NUSAP1: variants seen among roughly 807,000 people sequenced by gnomAD.
NUSAP1 encodes the protein nucleolar and spindle associated protein 1, also known as nucleolar and spindle-associated protein 1.
NUSAP1 carries 32 observed loss-of-function variants against 52.8 expected under a neutral mutation model. That is an observed-to-expected ratio of 0.61 (90% confidence interval 0.46 to 0.81). The LOEUF (loss-of-function observed/expected upper bound fraction) is 0.81, where lower values mean the gene tolerates loss of function less well. NUSAP1 is among the 40% of genes least tolerant of loss of function. NUSAP1 has a pLI of 0.00. For missense variants in NUSAP1, 499 were observed against 522.3 expected (o/e 0.96, Z 0.43); for synonymous variants, 195 against 183.1 (o/e 1.06, Z -0.52).
intron 1 of NUSAP1, among the ~76,000 whole-genome samples, chr15:41,337,789 C>G (rs188349343): frequency 4.6e-5 from 7 of 152,250 alleles, no homozygotes; most frequent in Non-Finnish European, 8.8e-5. Context: ...GCACTTCTTT[C>G]TAGTCTCCTT....
In NUSAP1 at chr15:41,378,944, G is replaced by GTTTTTT. The variant is rs1187469450; in HGVS notation, c.1233-1127_1233-1122dup. Among the ~76,000 whole-genome samples, 101 of 63,260 alleles carry GTTTTTT rather than the reference G, an allele frequency of 1.6e-3. 22 individuals carry two copies. The highest frequency in any genetic ancestry group is 6.0e-3 in the African/African-American group (86 of 14,274). 41.5% of individuals were successfully genotyped at this position (63,260 alleles called of 152,430 possible). A position where few individuals can be genotyped will look rare whatever the true frequency, so the allele number is the denominator to read the frequency against. Reference sequence around the variant, plus strand: ...CCCAAGATTATATTAACTTATCTTGGTTTTTTTTTTTTTTTTTTTTTTTTT... The same window carrying GTTTTTT: ...CCCAAGATTATATTAACTTATCTTGGTTTTTTTTTTTTTTTTTTTTTTTTTTTTTTT... On this transcript the variant is annotated intron_variant, in intron 10 of 10. Coordinates refer to ENST00000559596, the MANE Select transcript of NUSAP1 (RefSeq NM_016359.5).
intron 10 of NUSAP1, among the ~76,000 whole-genome samples, chr15:41,378,480 G>A (rs1182283474): frequency 1.3e-5 from 2 of 152,030 alleles, no homozygotes; most frequent in Non-Finnish European, 2.9e-5. Flanking sequence ...TGCCACCAGG[G>A]CCTTTGCTCA....
chr15:41,336,648 G>GTGTTTTTTTTTTT (rs1555426223), intron 1 of NUSAP1, among the ~76,000 whole-genome samples: 11 of 91,354 alleles, frequency 1.2e-4, no homozygotes, highest in African/African-American at 4.4e-4. Flanking sequence ...CCTCCTTTTG[G>GTGTTTTTTTTTTT]TTTTTTTTTT....
chr15:41,352,535 G>T (rs1442177722), intron 4 of NUSAP1, among the ~76,000 whole-genome samples: 1 of 151,148 alleles, frequency 6.6e-6, no homozygotes, highest in Non-Finnish European at 1.5e-5. Flanking sequence ...GATGGGCTTG[G>T]GAATCTTCAG....
At chr15:41,377,508 G>C (rs573334955) in intron 10 of NUSAP1, among the ~76,000 whole-genome samples, 13 of 151,154 alleles carry the variant, frequency 8.6e-5, no homozygotes, top group Middle Eastern at 6.8e-3. Flanking sequence ...AACCATCCTG[G>C]CTAACACGGT....
intron 1 of NUSAP1, among the ~76,000 whole-genome samples, chr15:41,333,851 G>A (rs1220933879): frequency 6.6e-6 from 1 of 152,156 alleles, no homozygotes; most frequent in East Asian, 1.9e-4. Context: ...AGCCGAGGTG[G>A]CAGTGAGCCA....
In NUSAP1 at chr15:41,365,475, C is replaced by T. The variant is rs904007655; in HGVS notation, c.734C>T (p.Pro245Leu). 6.8e-6 allele frequency: 11 copies of T among 1,612,704 alleles called. No individual in the cohort carries two copies. The highest frequency in any genetic ancestry group is 1.3e-5 in the African/African-American group (1 of 74,866). Residue 245 changes from proline (P) to leucine (L), a missense_variant, in exon 7 of 11, where the codon CCC becomes CTC. Transcript: ENST00000559596. The part of the protein sequence containing the change: ...PRGRLSVAST[P>L]ISQRRSQGRS... ...GGAAGACTCTCTGTGGCTTCTACTC[C>T]CATCAGCCAACGACGCTCGCAAGGC...
intron 2 of NUSAP1, 142 bp from the exon 3 acceptor site, chr15:41,348,956 T>G (rs2048683687): frequency 1.3e-6 from 1 of 770,194 alleles, no homozygotes; most frequent in African/African-American, 1.8e-5. Flanking sequence ...ATTCTTGTCT[T>G]TGCCTACAAT....
intron 1 of NUSAP1, among the ~76,000 whole-genome samples, chr15:41,335,830 T>TA (rs1341863783): frequency 6.8e-6 from 1 of 147,378 alleles, no homozygotes; most frequent in Non-Finnish European, 1.5e-5. Context: ...TACTATATTA[T>TA]ACCAGTATAA....
chr15:41,377,439 C>T, intron 10 of NUSAP1, 135 bp downstream of exon 10: 2 of 485,336 alleles, frequency 4.1e-6, no homozygotes, highest in Non-Finnish European at 7.3e-6. Context: ...GTGGCTCACG[C>T]CTGTAATCCC....
At chr15:41,364,864 T>C (rs1402163692) in intron 6 of NUSAP1, among the ~76,000 whole-genome samples, 2 of 151,046 alleles carry the variant, frequency 1.3e-5, no homozygotes, top group South Asian at 2.1e-4. Flanking sequence ...CCAGACTCTG[T>C]CTCAAATAAA....
At chr15:41,345,545 C>T in intron 2 of NUSAP1, 1 of 397,886 alleles carries the variant, frequency 2.5e-6, no homozygotes, top group Non-Finnish European at 4.8e-6. Flanking sequence ...CCGCAACCTC[C>T]ACCTCCTGAG....
chr15:41,376,359 A>G (rs562362467), intron 9 of NUSAP1, among the ~76,000 whole-genome samples: 1 of 152,092 alleles, frequency 6.6e-6, no homozygotes, highest in Admixed American at 6.6e-5. Context: ...AGATTGCACC[A>G]CTACACTCCA....
At chr15:41,365,265 T>G in intron 6 of NUSAP1, 137 bp from the exon 7 acceptor site, 1 of 615,250 alleles carries the variant, frequency 1.6e-6, no homozygotes, top group Non-Finnish European at 2.7e-6. Flanking sequence ...CAAGTGATTC[T>G]CCCGCCTCAG....
At chr15:41,368,728 C>CTTTTTTTTTTTTTTTTTTTTTTTTTT (rs57501156) in intron 7 of NUSAP1, among the ~76,000 whole-genome samples, 2 of 77,942 alleles carry the variant, frequency 2.6e-5, no homozygotes, top group African/African-American at 1.1e-4. Context: ...TTATTTTATT[C>CTTTTTTTTTTTTTTTTTTTTTTTTTT]TTTTTTTTTT....
Position 41,333,045 on chromosome 15 carries a change from C to G in NUSAP1, c.88C>G (p.Leu30Val). ...LAKSLGLRAN[L>V]RATKLLKALK... ...CAAGAGTCTGGGTCTCCGGGCCAAC[C>G]TGAGGGTACGGCGCTGGCGGTGCGG... Residue 30 changes from leucine (L) to valine (V), a missense_variant, in exon 1 of 11, where the codon CTG becomes GTG. Coordinates refer to ENST00000559596, the MANE Select transcript of NUSAP1 (RefSeq NM_016359.5). 3.1e-6 allele frequency: 5 copies of G among 1,609,150 alleles called. No individual in the cohort carries two copies. The highest frequency in any genetic ancestry group is 4.2e-6 in the Non-Finnish European group (5 of 1,177,642).
intron 1 of NUSAP1, among the ~76,000 whole-genome samples, chr15:41,340,223 A>G (rs1437465093): frequency 1.3e-5 from 2 of 152,024 alleles, no homozygotes; most frequent in African/African-American, 4.8e-5. Context: ...AGTCCACCTC[A>G]GGGCTCCTGT....
At chr15:41,370,705 G>T (rs796973808) in intron 7 of NUSAP1, among the ~76,000 whole-genome samples, 1 of 137,916 alleles carries the variant, frequency 7.3e-6, no homozygotes, top group Admixed American at 8.1e-5. Flanking sequence ...ACCCAACATC[G>T]CACCATTGCA....
At chr15:41,363,232 G>C (rs1490221058) in intron 6 of NUSAP1, among the ~76,000 whole-genome samples, 1 of 148,860 alleles carries the variant, frequency 6.7e-6, no homozygotes, top group Non-Finnish European at 1.5e-5. Flanking sequence ...ATTGCAGTGA[G>C]CCAATATCAC....
Sources: allele counts gnomAD v4.1 joint callset (sites outside exome capture counted in the v4.1 genomes callset), GRCh38; gene constraint gnomAD v4.1.1; transcripts MANE v1.5; gene names NCBI Gene and HGNC (gene_info 2026-07-23, HGNC 2026-07-21).